Variants in OSBP observed in about 807,000 individuals in gnomAD.
The protein encoded by OSBP is oxysterol binding protein.
A neutral mutation model predicts 96.6 loss-of-function variants in OSBP; 32 were observed. The ratio of observed to expected loss-of-function variants is 0.33; its 90% CI spans 0.25 to 0.45. OSBP has a LOEUF of 0.45. OSBP is among the 20% of genes least tolerant of loss of function. OSBP has a pLI of 1.00. For missense variants in OSBP, 653 were observed against 1,029.7 expected (o/e 0.63, Z 5.01); for synonymous variants, 369 against 389.6 (o/e 0.95, Z 0.62).
intron 3 of OSBP, among the ~76,000 whole-genome samples, chr11:59,608,105 G>A (rs1343831813): frequency 6.6e-6 from 1 of 151,806 alleles, no homozygotes; most frequent in Non-Finnish European, 1.5e-5. Context: ...TCCAACAGAT[G>A]AAATGAGACA....
chr11:59,608,754 G>C lies in OSBP; in HGVS notation c.572-20C>G. 6.2e-7 allele frequency: 1 copy of C among 1,613,196 alleles called. No homozygotes were observed. Among genetic ancestry groups the C allele is most frequent in the Non-Finnish European group, 8.5e-7 (1 of 1,179,394 alleles). ...ATTCATCTGTAGGAATGAAAAGAAA[G>C]GTTATATGATTCCAGAACCAGGAGT... On this transcript the variant is annotated intron_variant, in intron 2 of 13. Coordinates refer to ENST00000263847, the MANE Select transcript of OSBP (RefSeq NM_002556.3).
chr11:59,575,663 G>A lies in OSBP; in HGVS notation c.*914C>T, dbSNP rs911385387. ...AGTATATCAGAATGGGACAGGCAAT[G>A]TTTTGCTCCACACTGGGGCACAGAC... is the stretch of plus-strand genomic sequence containing the variant. On this transcript the variant is annotated 3_prime_UTR_variant, in exon 14 of 14. Transcript: ENST00000263847. 3 of 152,568 alleles carry A rather than the reference G, an allele frequency of 2.0e-5. No individual in the cohort carries two copies. Among genetic ancestry groups the A allele is most frequent in the African/African-American group, 7.2e-5 (3 of 41,454 alleles). 9.5% of individuals were successfully genotyped at this position (152,568 alleles called of 1,614,324 possible).
Position 59,581,621 on chromosome 11 carries a change from A to G in OSBP, c.1679-67T>C, listed in dbSNP as rs533854991. On this transcript the variant is annotated intron_variant, in intron 9 of 13. Transcript: ENST00000263847. ...AAAAATAGCACCATGCAGCCTCAAAACAGTAATGGATTAATTTCCTTCTAT... is the reference window on the plus strand; with the variant it reads ...AAAAATAGCACCATGCAGCCTCAAAGCAGTAATGGATTAATTTCCTTCTAT... 16 of 784,202 alleles carry G rather than the reference A, an allele frequency of 2.0e-5. No individual in the cohort carries two copies. In the South Asian group the frequency reaches 2.3e-4, roughly 11 times the overall value. 48.6% of individuals were successfully genotyped at this position (784,202 alleles called of 1,614,324 possible).
At chr11:59,612,440 T>C (rs1271748857) in intron 1 of OSBP, among the ~76,000 whole-genome samples, 2 of 152,236 alleles carry the variant, frequency 1.3e-5, no homozygotes, top group African/African-American at 4.8e-5. Context: ...TCCTCCTTAT[T>C]GGAGCTTTTT....
intron 12 of OSBP, among the ~76,000 whole-genome samples, chr11:59,577,405 G>A (rs144254051): frequency 1.4e-4 from 22 of 152,142 alleles, no homozygotes; most frequent in Admixed American, 1.2e-3. Flanking sequence ...ATTAGATGAC[G>A]ACAGGAAATA....
intron 9 of OSBP, among the ~76,000 whole-genome samples, chr11:59,583,416 G>C (rs1227228820): frequency 6.6e-6 from 1 of 152,106 alleles, no homozygotes; most frequent in Non-Finnish European, 1.5e-5. Context: ...TTGTGGTTTA[G>C]ACATGTTTCT....
intron 9 of OSBP, among the ~76,000 whole-genome samples, chr11:59,584,061 T>A (rs1244074654): frequency 3.3e-5 from 5 of 150,826 alleles, no homozygotes; most frequent in Non-Finnish European, 7.4e-5. Flanking sequence ...TCCTCCCTCC[T>A]CAGCCTCCCA....
intron 12 of OSBP, among the ~76,000 whole-genome samples, chr11:59,577,646 CCAT>C (rs1429794567): frequency 6.6e-6 from 1 of 152,192 alleles, no homozygotes; most frequent in Non-Finnish European, 1.5e-5. Context: ...GTGCACACCA[CCAT>C]ATGTGGCTAA....
Position 59,600,858 on chromosome 11 carries a change from A to G in OSBP, c.1140T>C (p.Asn380=). The part of the protein sequence containing the change: ...ENLGHKRTGS[N]ISGASSDISL... The stretch of plus-strand genomic sequence containing the variant: ...TGATGTCACTGCTGGCTCCACTGAT[A>G]TTGCTGCCAGTACGTCTGTACAGAT... The change falls in exon 6 of 14, where the codon AAT becomes AAC. Residue 380 remains asparagine, a synonymous_variant. Transcript: ENST00000263847. 1 of 1,613,826 alleles carries G rather than the reference A, an allele frequency of 6.2e-7. No homozygotes were observed. The highest frequency in any genetic ancestry group is 1.7e-5 in the Admixed American group (1 of 60,002).
intron 5 of OSBP, 144 bp from the exon 6 acceptor site, chr11:59,601,017 T>A: frequency 1.4e-6 from 1 of 718,596 alleles, no homozygotes; most frequent in Non-Finnish European, 2.3e-6. Context: ...AGAGTAGGAA[T>A]GAATTTAAGT....
At chr11:59,589,392 G>A (rs1387029521) in intron 9 of OSBP, among the ~76,000 whole-genome samples, 1 of 151,576 alleles carries the variant, frequency 6.6e-6, no homozygotes, top group East Asian at 2.0e-4. Context: ...CTTGAGATCA[G>A]AAGTTCGAGA....
In OSBP at chr11:59,608,551, T is replaced by C. The variant is rs2134675598; in HGVS notation, c.755A>G (p.Asn252Ser). Residue 252 changes from asparagine to serine, a missense_variant, in exon 3 of 14, where the codon AAT becomes AGT. Coordinates refer to ENST00000263847, the MANE Select transcript of OSBP (RefSeq NM_002556.3). ...TTCGTTGACCTGTTTGATCTTTTCA[T>C]TGCTCTCAGCAGGCAACTTCAGGGA... ...LESLKLPAESNEKIKQVNERA... is the reference protein window; with the variant it reads ...LESLKLPAESSEKIKQVNERA... The C allele has an allele frequency of 2.5e-6, 4 of 1,614,094 alleles. No individual in the cohort carries two copies. The highest frequency in any genetic ancestry group is 1.7e-5 in the Admixed American group (1 of 60,014).
At chr11:59,599,708 G>A (rs76094064) in intron 7 of OSBP, among the ~76,000 whole-genome samples, 5,610 of 152,150 alleles carry the variant, frequency 0.037, 140 homozygotes, top group Non-Finnish European at 0.043. Context: ...AGCCACAGCA[G>A]AAAAAAAGTG....
intron 12 of OSBP, 122 bp downstream of exon 12, chr11:59,578,027 T>A: frequency 4.6e-6 from 4 of 866,758 alleles, no homozygotes; most frequent in Non-Finnish European, 7.3e-6. Context: ...TCTCCAAAAG[T>A]CTCAATTTCC....
At chr11:59,605,170 T>G (rs1443766461) in intron 3 of OSBP, among the ~76,000 whole-genome samples, 1 of 151,538 alleles carries the variant, frequency 6.6e-6, no homozygotes, top group Non-Finnish European at 1.5e-5. Flanking sequence ...AAGAAAAAAA[T>G]TATGACTGCA....
intron 1 of OSBP, among the ~76,000 whole-genome samples, chr11:59,610,812 T>G (rs1287417617): frequency 2.0e-5 from 3 of 151,676 alleles, no homozygotes; most frequent in Non-Finnish European, 4.4e-5. Context: ...TTTTTTTTTT[T>G]TTTTGCTTTG....
At chr11:59,597,172 C>T (rs540130045) in intron 7 of OSBP, among the ~76,000 whole-genome samples, 1 of 152,150 alleles carries the variant, frequency 6.6e-6, no homozygotes, top group East Asian at 1.9e-4. Flanking sequence ...AATTCTCCTG[C>T]CTCAGCCTCC....
intron 11 of OSBP, among the ~76,000 whole-genome samples, chr11:59,579,620 C>T (rs1860397053): frequency 6.6e-6 from 1 of 151,900 alleles, no homozygotes; most frequent in African/African-American, 2.4e-5. Flanking sequence ...TCATTGCTCT[C>T]GACACTTTCA....
intron 9 of OSBP, among the ~76,000 whole-genome samples, chr11:59,588,173 T>C (rs564654634): frequency 9.9e-5 from 15 of 152,264 alleles, no homozygotes; most frequent in Middle Eastern, 6.8e-3. Flanking sequence ...TAGGAGATAA[T>C]TAAAGTAGTT....
Sources: gnomAD v4.1 joint callset for allele counts (sites outside exome capture counted in the v4.1 genomes callset) on GRCh38, gnomAD v4.1.1 for gene constraint, MANE v1.5 for transcripts, NCBI Gene and HGNC (gene_info 2026-07-23, HGNC 2026-07-21) for gene names.